BRME1: variants seen among roughly 807,000 people sequenced by gnomAD.
The protein encoded by BRME1 is BRCA2 and MEILB2-associating protein 1.
In BRME1, 31 loss-of-function variants were observed where a neutral mutation model predicts 52.6. That is an observed-to-expected ratio of 0.59 (90% CI 0.44 to 0.80). The LOEUF (loss-of-function observed/expected upper bound fraction) is 0.80. Ranked by LOEUF, BRME1 falls within the 30% of genes least tolerant of loss-of-function variation. The probability of loss-of-function intolerance (pLI) is 0.00; values close to 1 mark genes in which losing one functional copy is unlikely to be tolerated. For synonymous variants in BRME1, 359 were observed against 353.6 expected (o/e 1.02, Z -0.17); for missense variants, 804 against 860.3 (o/e 0.93, Z 0.82).
At chr19:13,904,993 G>A (rs1455859819) in intron 1 of BRME1, 80 bp from the exon 2 acceptor site, 1 of 1,214,314 alleles carries the variant, frequency 8.2e-7, no homozygotes, top group Non-Finnish European at 1.2e-6. Context: ...TGAGAGCAGA[G>A]GTTACCCCTA....
intron 1 of BRME1, among the ~76,000 whole-genome samples, chr19:13,905,231 T>A (rs1375242569): frequency 6.6e-6 from 1 of 152,242 alleles, no homozygotes; most frequent in East Asian, 1.9e-4. Context: ...ACAGCCTGTG[T>A]GAAGCCCCTC....
intron 2 of BRME1, among the ~76,000 whole-genome samples, chr19:13,900,745 G>C (rs1382345721): frequency 1.3e-5 from 2 of 150,854 alleles, no homozygotes; most frequent in Non-Finnish European, 3.0e-5. Flanking sequence ...GGAGTGCAGT[G>C]GTGCAATCTC....
rs1226640592 is a variant in BRME1 at position 13,882,670 on chromosome 19, G to T, written c.*132C>A. 2 of 1,225,876 alleles carry T rather than the reference G, an allele frequency of 1.6e-6. No homozygotes were observed. Among genetic ancestry groups the T allele is most frequent in the Non-Finnish European group, 2.3e-6 (2 of 863,826 alleles). The allele number at this position is 1,225,876 out of a possible 1,614,324, so 75.9% of individuals were successfully genotyped here. On this transcript the variant is annotated 3_prime_UTR_variant, in exon 9 of 9. Coordinates refer to ENST00000586783, the MANE Select transcript of BRME1 (RefSeq NM_001345843.2). The stretch of plus-strand genomic sequence containing the variant: ...AGGACCTCACGGCCTCCTTTGTGTT[G>T]TCCATGGAAGACCAACTTCCGGGCA...
intron 5 of BRME1, among the ~76,000 whole-genome samples, chr19:13,892,401 C>G (rs1969566919): frequency 6.6e-6 from 1 of 151,976 alleles, no homozygotes. Flanking sequence ...GGCTGGCCAA[C>G]ATGGTAAAAC....
intron 6 of BRME1, among the ~76,000 whole-genome samples, chr19:13,887,626 G>A (rs1006829155): frequency 2.0e-5 from 3 of 152,208 alleles, no homozygotes; most frequent in Non-Finnish European, 2.9e-5. Flanking sequence ...GGAGGCAATG[G>A]AGGCGGCTCT....
chr19:13,896,743 T>C (rs1368627592), intron 2 of BRME1, among the ~76,000 whole-genome samples: 1 of 151,330 alleles, frequency 6.6e-6, no homozygotes, highest in Non-Finnish European at 1.5e-5. Flanking sequence ...CAGGCTAGAG[T>C]GAGGTGGTGC....
rs971330022 is a variant in BRME1, at chr19:13,882,661, C to G, written c.*141G>C. On this transcript the variant is annotated 3_prime_UTR_variant, in exon 9 of 9. Coordinates refer to ENST00000586783, the MANE Select transcript of BRME1 (RefSeq NM_001345843.2). ...GGTGAGGCCAGGACCTCACGGCCTC[C>G]TTTGTGTTGTCCATGGAAGACCAAC... 1.8e-6 allele frequency: 2 copies of G among 1,142,612 alleles called. No homozygotes were observed. 70.8% of individuals were successfully genotyped at this position (1,142,612 alleles called of 1,614,324 possible).
Position 13,882,453 on chromosome 19 carries a change from A to C in BRME1, c.*349T>G. 1 of 414,764 alleles carries C rather than the reference A, an allele frequency of 2.4e-6. No homozygotes were observed. The highest frequency in any genetic ancestry group is 4.2e-6 in the Non-Finnish European group (1 of 235,754). The allele number at this position is 414,764 out of a possible 1,614,324, so 25.7% of individuals were successfully genotyped here. ...GAGCTCTCTTCTCCTCCAGGAAAGAAACAAATTCTGAACCATCCATACTTG... is the reference window on the plus strand; with the variant it reads ...GAGCTCTCTTCTCCTCCAGGAAAGACACAAATTCTGAACCATCCATACTTG... On this transcript the variant is annotated 3_prime_UTR_variant, in exon 9 of 9. Transcript: ENST00000586783.
intron 1 of BRME1, among the ~76,000 whole-genome samples, chr19:13,905,507 CAA>C (rs56670938): frequency 6.7e-5 from 8 of 118,864 alleles, no homozygotes; most frequent in Middle Eastern, 4.6e-3. Flanking sequence ...GACTCCGTCT[CAA>C]AAAAAAAAAA....
Position 13,885,992 on chromosome 19 carries a change from C to T in BRME1, c.1732G>A (p.Asp578Asn). The T allele has an allele frequency of 6.2e-7, 1 of 1,614,048 alleles. No individual in the cohort carries two copies. Among genetic ancestry groups the T allele is most frequent in the Non-Finnish European group, 8.5e-7 (1 of 1,180,026 alleles). ...TGGGCCTTGGCCACTGCAACAGGGT[C>T]TCCATTGGCATGTGAGCTGGGGCCC... ...WPGPSSHANG[D>N]PVAVAKAQPR... Residue 578 changes from aspartate (D) to asparagine (N), a missense_variant, in exon 7 of 9, where the codon GAC becomes AAC. Around this residue, in one of 3 missense-constraint regions of BRME1, gnomAD observed 552 missense variants for 561.1 expected, o/e 0.98. Transcript: ENST00000586783.
chr19:13,898,528 T>C (rs1970066090), intron 2 of BRME1, among the ~76,000 whole-genome samples: 1 of 152,012 alleles, frequency 6.6e-6, no homozygotes, highest in Non-Finnish European at 1.5e-5. Context: ...GAGGATTGCT[T>C]GAGCCCTGGA....
intron 4 of BRME1, 22 bp downstream of exon 4, chr19:13,893,120 C>T (rs201788029): frequency 5.0e-5 from 79 of 1,583,614 alleles, no homozygotes; most frequent in Admixed American, 4.6e-4. Context: ...TCTATATCCA[C>T]GAGGCCACAG....
intron 2 of BRME1, among the ~76,000 whole-genome samples, chr19:13,899,605 C>T (rs963886276): frequency 6.6e-6 from 1 of 152,144 alleles, no homozygotes; most frequent in African/African-American, 2.4e-5. Flanking sequence ...GAGTGCAATG[C>T]ACCCTTTGAT....
In BRME1 at chr19:13,895,422, A is replaced by T. The variant is rs1436639613; in HGVS notation, c.156T>A (p.Pro52=). The change falls in exon 3 of 9, where the codon CCT becomes CCA. Residue 52 remains proline, a synonymous_variant. Coordinates refer to ENST00000586783, the MANE Select transcript of BRME1 (RefSeq NM_001345843.2). ...CCCCGTGCTGCTGTGTAGAGGGAAC[A>T]GGTCCCAATTTGCCCTCTGGCTCCT... ...HPEEPEGKLG[P]VPSTQQHGEE... is the part of the protein sequence containing the mutation. 6.2e-7 allele frequency: 1 copy of T among 1,614,146 alleles called. No homozygotes were observed. Among genetic ancestry groups the T allele is most frequent in the Non-Finnish European group, 8.5e-7 (1 of 1,180,036 alleles).
chr19:13,893,980 G>A (rs946061934), intron 3 of BRME1, among the ~76,000 whole-genome samples: 2 of 152,046 alleles, frequency 1.3e-5, no homozygotes, highest in African/African-American at 2.4e-5. Context: ...GAGTGGGATG[G>A]GGATGGAGAA....
At position 13,904,884 on chromosome 19, in the gene BRME1, C is replaced by T. The variant is rs1333920766; in HGVS notation, c.9G>A (p.Lys3=). The T allele has an allele frequency of 5.0e-6, 8 of 1,613,774 alleles. No homozygotes were observed. In the South Asian group the frequency reaches 8.8e-5, roughly 18 times the overall value. The part of the protein sequence containing the change: MT[K]RKKLRTSGEG... ...TACCTGAGGTCCGCAGCTTCTTCCTCTTAGTCATTTTATCTTCCCCTTGAG... is the reference window on the plus strand; with the variant it reads ...TACCTGAGGTCCGCAGCTTCTTCCTTTTAGTCATTTTATCTTCCCCTTGAG... Residue 3 remains lysine (K), a synonymous_variant, in exon 2 of 9, where the codon AAG becomes AAA. Transcript: ENST00000586783.
chr19:13,887,190 G>A lies in BRME1; in HGVS notation c.1669-1135C>T, dbSNP rs530242605. ...GAGGAGGTGCTGAGACGGCCCGCTC[G>A]ATCCATCTTTGCTGTTCCCCGTGCC... On this transcript the variant is annotated intron_variant, in intron 6 of 8. Transcript: ENST00000586783. Among the ~76,000 whole-genome samples, 348 of 152,348 alleles carry A rather than the reference G, an allele frequency of 2.3e-3. 1 individual carries two copies. Among genetic ancestry groups the A allele is most frequent in the African/African-American group, 7.6e-3 (317 of 41,576 alleles).
chr19:13,895,003 C>T (rs942295660), intron 3 of BRME1, among the ~76,000 whole-genome samples: 1 of 152,110 alleles, frequency 6.6e-6, no homozygotes, highest in African/African-American at 2.4e-5. Flanking sequence ...GCCTTAGCCT[C>T]CTGAGTATCT....
At chr19:13,887,770 CTTTT>C (rs35586400) in intron 6 of BRME1, among the ~76,000 whole-genome samples, 1 of 143,016 alleles carries the variant, frequency 7.0e-6, no homozygotes, top group Non-Finnish European at 1.5e-5. Context: ...CTGTGACTCA[CTTTT>C]TTTTTTTTTT....
Sources: allele counts gnomAD v4.1 joint callset (sites outside exome capture counted in the v4.1 genomes callset), GRCh38; gene constraint gnomAD v4.1.1; regional missense constraint gnomAD v4.1.1; transcripts MANE v1.5; gene names NCBI Gene and HGNC (gene_info 2026-07-23, HGNC 2026-07-21).